MYH7B: variants seen among roughly 807,000 people sequenced by gnomAD.
MYH7B encodes the protein myosin heavy chain 7B.
Under a neutral mutation model 234.5 loss-of-function variants are expected in MYH7B, and 205 were observed. The observed-to-expected ratio is 0.87, with a 90% CI of 0.78 to 0.98. The LOEUF (loss-of-function observed/expected upper bound fraction) is 0.98. MYH7B is among the 50% of genes least tolerant of loss of function. MYH7B has a pLI of 0.00. For synonymous variants in MYH7B, 1,193 were observed against 1,105.0 expected, an observed-to-expected ratio of 1.08 and a Z score of -1.58; for missense variants, 2,652 against 2,633.4, an observed-to-expected ratio of 1.01 and a Z score of -0.15.
At position 34,993,019 on chromosome 20, in the gene MYH7B, C is replaced by T. The variant is rs1380913579; in HGVS notation, c.2184-83C>T. 3 of 1,529,272 alleles carry T rather than the reference C, an allele frequency of 2.0e-6. No individual in the cohort carries two copies. The African/African-American group carries it at 4.1e-5, about 21-fold the overall frequency. The allele number at this position is 1,529,272 out of a possible 1,614,324, so 94.7% of individuals were successfully genotyped here. A position where few individuals can be genotyped will look rare whatever the true frequency, so the allele number is the denominator to read the frequency against. On this transcript the variant is annotated intron_variant, in intron 24 of 44. Coordinates refer to ENST00000262873, the Ensembl canonical transcript of MYH7B. ...AGTCCCCTGCTACCCACACGAGCCT[C>T]CTCAGTCCCTGACTTCCCCATTCTC...
intron 8 of MYH7B, 56 bp from the exon 9 acceptor site, chr20:34,980,977 C>T (rs1600423592): frequency 6.2e-7 from 1 of 1,608,028 alleles, no homozygotes; most frequent in Non-Finnish European, 8.5e-7. Context: ...GGGTGTTCCA[C>T]CTGTGGCTGG....
Position 35,001,928 on chromosome 20 carries a change from G to T in MYH7B, c.5677-20G>T. The T allele has an allele frequency of 1.2e-6, 2 of 1,608,322 alleles. 1 individual carries two copies. Among genetic ancestry groups the T allele is most frequent in the South Asian group, 2.2e-5 (2 of 90,426 alleles). On this transcript the variant is annotated intron_variant, in intron 43 of 44. Coordinates refer to ENST00000262873, the Ensembl canonical transcript of MYH7B. ...ATCTCAGTCACCCAAGCGGAACCAA[G>T]GCCCTGTGTGTGCCCCCAGGAGCAG...
chr20:35,001,410 G>A, intron 42 of MYH7B, 21 bp from the exon 43 acceptor site: 1 of 1,594,646 alleles, frequency 6.3e-7, no homozygotes, highest in Non-Finnish European at 8.5e-7. Context: ...AGCAAGCCCT[G>A]AGTCCCCCTT....
intron 30 of MYH7B, 25 bp from the exon 31 acceptor site, chr20:34,997,058 T>C: frequency 7.2e-7 from 1 of 1,395,842 alleles, no homozygotes; most frequent in Non-Finnish European, 9.3e-7. Context: ...AGGCCTGTGC[T>C]GGCCACCCAC....
intron 2 of MYH7B, among the ~76,000 whole-genome samples, chr20:34,971,688 G>A (rs1049860306): frequency 6.6e-6 from 1 of 151,944 alleles, no homozygotes. Context: ...TCCTGCCACC[G>A]GCCTCACCCC....
At position 34,999,586 on chromosome 20, in the gene MYH7B, TCA is replaced by T; in HGVS notation, c.4559_4560del (p.Thr1520ArgfsTer26). 1 of 1,610,668 alleles carries T rather than the reference TCA, an allele frequency of 6.2e-7. No individual in the cohort carries two copies. Among genetic ancestry groups the T allele is most frequent in the Non-Finnish European group, 8.5e-7 (1 of 1,178,326 alleles). On this transcript the variant is annotated frameshift_variant, in exon 37 of 45. Transcript: ENST00000262873. LOFTEE classifies it high-confidence loss of function. ...TCCACTGCAGAGGAGATCAGCGACCTCACAGACCAGGTGAGTCTCAGTGGGAA... is the reference window on the plus strand; with the variant it reads ...TCCACTGCAGAGGAGATCAGCGACCTCAGACCAGGTGAGTCTCAGTGGGAA...
rs775995698 is a variant in MYH7B, at chr20:35,001,478, C to G, written c.5628C>G (p.Asp1876Glu). The G allele has an allele frequency of 5.0e-5, 80 of 1,610,318 alleles. No homozygotes were observed. Among genetic ancestry groups the G allele is most frequent in the Non-Finnish European group, 6.4e-5 (76 of 1,178,462 alleles). ...TGGCTCGCATGCAGGACCTGGTGGACAAGCTGCAGAGCAAGGTCAAGAGCT... is the reference window on the plus strand; with the variant it reads ...TGGCTCGCATGCAGGACCTGGTGGAGAAGCTGCAGAGCAAGGTCAAGAGCT... The change falls in exon 43 of 45, where the codon GAC becomes GAG. Residue 1876 changes from aspartate (D) to glutamate (E), a missense_variant. Physicochemically the swap from Asp to Glu is conservative, Grantham distance 45. Transcript: ENST00000262873.
rs775610874 is a variant in MYH7B at position 34,991,122 on chromosome 20, G to C, written c.2183+1G>C. On this transcript the variant is annotated splice_donor_variant, in intron 24 of 44. Coordinates refer to ENST00000262873, the Ensembl canonical transcript of MYH7B. LOFTEE classifies it high-confidence loss of function. ...TGCTCTACACCGACTTCCGGCAGCG[G>C]TGGGTGACCCCTTCCCCCTGCCTGC... is the stretch of plus-strand genomic sequence containing the variant. 2 of 1,600,292 alleles carry C rather than the reference G, an allele frequency of 1.2e-6. No homozygotes were observed. The highest frequency in any genetic ancestry group is 2.7e-5 in the African/African-American group (2 of 74,680).
chr20:34,997,755 C>T, intron 32 of MYH7B, 115 bp downstream of exon 32: 1 of 1,272,328 alleles, frequency 7.9e-7, no homozygotes, highest in Non-Finnish European at 1.1e-6. Flanking sequence ...GAGCCCTGAC[C>T]TCTTCACCTG....
Position 34,982,566 on chromosome 20 carries a change from C to T in MYH7B, c.624+11C>T. On this transcript the variant is annotated intron_variant, in intron 10 of 44. Coordinates refer to ENST00000262873, the Ensembl canonical transcript of MYH7B. ...CCGGGCAAGAAGGCCGTAAGACTTG[C>T]CCACTCGGGCATGCTCCCCGTTGCT... The T allele has an allele frequency of 6.3e-7, 1 of 1,576,378 alleles. No homozygotes were observed. The highest frequency in any genetic ancestry group is 8.6e-7 in the Non-Finnish European group (1 of 1,156,642).
chr20:34,970,896 A>AGACTG (rs1367989433), intron 2 of MYH7B, among the ~76,000 whole-genome samples: 1 of 152,174 alleles, frequency 6.6e-6, no homozygotes, highest in East Asian at 1.9e-4. Context: ...GACAATACTC[A>AGACTG]GACTGGCTGG....
At chr20:34,999,948 A>C (rs1373478204) in intron 38 of MYH7B, 42 bp downstream of exon 38, 5 of 1,544,608 alleles carry the variant, frequency 3.2e-6, no homozygotes, top group Non-Finnish European at 4.4e-6. Flanking sequence ...CGAGAGCAGA[A>C]GGGGAGGGAA....
chr20:34,956,860 G>A (rs1466545445), intron 1 of MYH7B, among the ~76,000 whole-genome samples: 5 of 152,158 alleles, frequency 3.3e-5, no homozygotes, highest in African/African-American at 1.2e-4. Flanking sequence ...TTGGAGACCA[G>A]GCTGGGCAAC....
chr20:34,980,588 G>T (rs1343039700), exon 8 of MYH7B: 6 of 1,613,866 alleles, frequency 3.7e-6, no homozygotes, highest in Non-Finnish European at 5.1e-6. Context: ...ACCTACTCAG[G>T]CCTCTTCTGT....
exon 38 of MYH7B, chr20:34,999,836 G>A (rs777724750): frequency 6.2e-7 from 1 of 1,613,166 alleles, no homozygotes; most frequent in Non-Finnish European, 8.5e-7. Context: ...GATCCAGCTG[G>A]AGCTCTCCCA....
At chr20:34,958,540 A>G (rs532804336) in intron 2 of MYH7B, among the ~76,000 whole-genome samples, 2 of 152,186 alleles carry the variant, frequency 1.3e-5, no homozygotes, top group East Asian at 3.9e-4. Flanking sequence ...ATCTTGGCTC[A>G]CTGCAACCTC....
intron 10 of MYH7B, 60 bp downstream of exon 10, chr20:34,982,615 T>G: frequency 1.5e-6 from 2 of 1,358,214 alleles, no homozygotes; most frequent in Non-Finnish European, 1.0e-6. Context: ...CTTTTCTTTC[T>G]TCCTCTCTTT....
At chr20:34,998,026 C>G (rs561000402) in intron 32 of MYH7B, among the ~76,000 whole-genome samples, 1 of 152,314 alleles carries the variant, frequency 6.6e-6, no homozygotes, top group East Asian at 1.9e-4. Flanking sequence ...TGACCTCTGA[C>G]CATTGTCCCC....
Position 35,000,354 on chromosome 20 carries a change from C to T in MYH7B, c.4843C>T (p.Arg1615Cys), listed in dbSNP as rs754639552. The T allele has an allele frequency of 1.4e-5, 22 of 1,598,192 alleles. No homozygotes were observed. The highest frequency in any genetic ancestry group is 3.3e-5 in the South Asian group (3 of 91,000). Reference sequence around the variant, plus strand: ...CTCCCTGGATGCAGAGACACGGGCCCGCAATGAGGCGCTGCGGCTCAAGAA... The same window carrying T: ...CTCCCTGGATGCAGAGACACGGGCCTGCAATGAGGCGCTGCGGCTCAAGAA... The change falls in exon 39 of 45, where the codon CGC becomes TGC. Residue 1615 changes from arginine to cysteine, a missense_variant. Transcript: ENST00000262873.
Sources: gnomAD v4.1 joint callset for allele counts (sites outside exome capture counted in the v4.1 genomes callset) on GRCh38, gnomAD v4.1.1 for gene constraint, MANE v1.5 for transcripts, NCBI Gene and HGNC (gene_info 2026-07-23, HGNC 2026-07-21) for gene names.